DLG2: variants seen among roughly 807,000 people sequenced by gnomAD.
The protein encoded by DLG2 is disks large homolog 2.
In DLG2, 45 loss-of-function variants were observed where a neutral mutation model predicts 132.5. The observed-to-expected ratio is 0.34, with a 90% CI of 0.27 to 0.44. The LOEUF is 0.44. Among genes scored for constraint, DLG2 ranks in the 20% least tolerant of loss-of-function variants. The pLI, the probability that DLG2 is intolerant of heterozygous loss-of-function variation, is 1.00. For missense variants in DLG2, 1,045 were observed against 1,196.9 expected (o/e 0.87, Z 1.87); for synonymous variants, 424 against 419.6 (o/e 1.01, Z -0.13).
intron 3 of DLG2, among the ~76,000 whole-genome samples, chr11:85,460,117 C>T (rs2092558023): frequency 1.3e-5 from 2 of 152,194 alleles, no homozygotes; most frequent in African/African-American, 4.8e-5. Flanking sequence ...GAGACCCAGA[C>T]CACTGGGCCT....
chr11:83,578,075 TACACAC>T (rs148521282), intron 19 of DLG2, among the ~76,000 whole-genome samples: 1 of 135,104 alleles, frequency 7.4e-6, no homozygotes, highest in East Asian at 2.2e-4. Context: ...TATATATGTA[TACACAC>T]ACACACACAC....
intron 6 of DLG2, among the ~76,000 whole-genome samples, chr11:84,957,821 T>A (rs1258664138): frequency 6.6e-6 from 1 of 152,222 alleles, no homozygotes; most frequent in Non-Finnish European, 1.5e-5. Flanking sequence ...TGTCATGGTA[T>A]GATTGCTGTG....
intron 3 of DLG2, among the ~76,000 whole-genome samples, chr11:85,297,444 A>AT (rs2079305973): frequency 2.0e-5 from 3 of 152,202 alleles, no homozygotes; most frequent in African/African-American, 4.8e-5. Flanking sequence ...AAAGCCACAC[A>AT]GGACCCCATA....
chr11:83,552,799 G>C (rs985176642), intron 19 of DLG2, among the ~76,000 whole-genome samples: 3 of 152,094 alleles, frequency 2.0e-5, no homozygotes, highest in Non-Finnish European at 4.4e-5. Flanking sequence ...CTTTGGCCAA[G>C]AATTTTTTCT....
chr11:84,823,568 G>C (rs1411328723), intron 6 of DLG2, among the ~76,000 whole-genome samples: 1 of 139,098 alleles, frequency 7.2e-6, no homozygotes, highest in Non-Finnish European at 1.5e-5. Context: ...GTTAGAATGG[G>C]ATGGTTGTAT....
intron 6 of DLG2, among the ~76,000 whole-genome samples, chr11:84,627,146 C>G (rs1485885433): frequency 6.6e-6 from 1 of 152,098 alleles, no homozygotes; most frequent in African/African-American, 2.4e-5. Flanking sequence ...GCTGGGATTA[C>G]AGCATAAGCC....
intron 3 of DLG2, among the ~76,000 whole-genome samples, chr11:85,321,077 C>A (rs2081033773): frequency 6.6e-6 from 1 of 151,744 alleles, no homozygotes; most frequent in African/African-American, 2.4e-5. Context: ...AACTATTGAG[C>A]ACTCTAGGTA....
chr11:83,553,893 T>TA (rs200522656), intron 19 of DLG2, among the ~76,000 whole-genome samples: 2,384 of 150,908 alleles, frequency 0.016, 63 homozygotes, highest in African/African-American at 0.055. Flanking sequence ...TCTTTTCTTT[T>TA]TTTTTCTTTT....
chr11:84,933,525 C>T (rs1354166194), intron 6 of DLG2, among the ~76,000 whole-genome samples: 1 of 152,052 alleles, frequency 6.6e-6, no homozygotes, highest in African/African-American at 2.4e-5. Flanking sequence ...TTTGTGTCAT[C>T]TCTGATTTTT....
chr11:85,180,240 G>C (rs1420972000), intron 4 of DLG2, among the ~76,000 whole-genome samples: 2 of 151,790 alleles, frequency 1.3e-5, no homozygotes, highest in African/African-American at 4.8e-5. Flanking sequence ...AAATCCACCA[G>C]AGAACAGTTG....
At chr11:84,362,740 A>G (rs963766740) in intron 7 of DLG2, among the ~76,000 whole-genome samples, 8 of 151,848 alleles carry the variant, frequency 5.3e-5, no homozygotes, top group Admixed American at 3.9e-4. Flanking sequence ...ATTCCCACCT[A>G]TGAGTGAGAA....
intron 6 of DLG2, among the ~76,000 whole-genome samples, chr11:84,682,873 T>A (rs2099734749): frequency 6.6e-6 from 1 of 152,176 alleles, no homozygotes; most frequent in African/African-American, 2.4e-5. Flanking sequence ...GAAGAGGGTA[T>A]GGGCTTCAGA....
Position 83,690,665 on chromosome 11 carries a change from C to T in DLG2, c.1826-57340G>A, listed in dbSNP as rs555865741. Among the ~76,000 whole-genome samples, 607 of 113,510 alleles carry T rather than the reference C, an allele frequency of 5.3e-3. 5 individuals are homozygous for T. The highest frequency in any genetic ancestry group is 0.02 in the African/African-American group (578 of 29,378). The allele number at this position is 113,510 out of a possible 152,430, so 74.5% of individuals were successfully genotyped here. A position where few individuals can be genotyped will look rare whatever the true frequency, so the allele number is the denominator to read the frequency against. On this transcript the variant is annotated intron_variant, in intron 18 of 27. Coordinates refer to ENST00000376104, the MANE Select transcript of DLG2 (RefSeq NM_001142699.3). ...CCTCTGTAGAGGGTATCAAACATTT[C>T]GGTCCATGCTGTGGGTGGGGGTGGG...
intron 3 of DLG2, among the ~76,000 whole-genome samples, chr11:85,393,741 T>G (rs947411731): frequency 6.6e-6 from 1 of 152,064 alleles, no homozygotes; most frequent in African/African-American, 2.4e-5. Flanking sequence ...ATAATATGTA[T>G]GTATATTTTA....
intron 7 of DLG2, among the ~76,000 whole-genome samples, chr11:84,529,993 C>G (rs181951256): frequency 4.6e-5 from 7 of 152,112 alleles, no homozygotes; most frequent in African/African-American, 1.7e-4. Flanking sequence ...ATGCTGCACA[C>G]CGACGATTAT....
intron 4 of DLG2, among the ~76,000 whole-genome samples, chr11:85,186,253 T>G (rs77280020): frequency 0.011 from 1,728 of 152,184 alleles, 33 homozygotes; most frequent in African/African-American, 0.038. Flanking sequence ...TTAAATAATA[T>G]ATTTCATTTA....
intron 3 of DLG2, among the ~76,000 whole-genome samples, chr11:85,570,461 C>T (rs948572842): frequency 6.6e-6 from 1 of 152,108 alleles, no homozygotes. Flanking sequence ...ATGGTTAATC[C>T]TATTAGACTC....
chr11:85,532,955 G>A (rs1013321188), intron 3 of DLG2, among the ~76,000 whole-genome samples: 1 of 152,106 alleles, frequency 6.6e-6, no homozygotes, highest in Non-Finnish European at 1.5e-5. Context: ...GGTTATCTTA[G>A]AATATATGAA....
Position 84,777,445 on chromosome 11 carries a change from TCTC to T in DLG2, c.358-242717_358-242715del, listed in dbSNP as rs551983061. ...GTATCTTTTTGATATATTGATTTCT[TCTC>T]CTCTGAGCAGATAGCTTAGAGTGGG... On this transcript the variant is annotated intron_variant, in intron 6 of 27. Coordinates refer to ENST00000376104, the MANE Select transcript of DLG2 (RefSeq NM_001142699.3). 4.6e-4 allele frequency among the ~76,000 whole-genome samples: 69 copies of T among 151,174 alleles called. 1 individual carries two copies. The highest frequency in any genetic ancestry group is 1.6e-3 in the African/African-American group (67 of 41,322).
Sources: allele counts gnomAD v4.1 joint callset (sites outside exome capture counted in the v4.1 genomes callset), GRCh38; gene constraint gnomAD v4.1.1; transcripts MANE v1.5; gene names NCBI Gene and HGNC (gene_info 2026-07-23, HGNC 2026-07-21).